Variants in CEP164 observed in about 807,000 individuals in gnomAD.
The protein encoded by CEP164 is centrosomal protein 164.
A neutral mutation model predicts 182.7 loss-of-function variants in CEP164; 162 were observed. The observed-to-expected ratio is 0.89, with a 90% CI of 0.78 to 1.01. The LOEUF (loss-of-function observed/expected upper bound fraction) is 1.01. Ranked by LOEUF, CEP164 falls within the 50% of genes least tolerant of loss-of-function variation. CEP164 has a pLI of 0.00. For missense variants in CEP164, 1,735 were observed against 1,790.4 expected (o/e 0.97, Z 0.56); for synonymous variants, 661 against 690.0 (o/e 0.96, Z 0.66).
intron 1 of CEP164, among the ~76,000 whole-genome samples, chr11:117,330,384 G>T (rs2134659332): frequency 6.6e-6 from 1 of 152,180 alleles, no homozygotes; most frequent in East Asian, 1.9e-4. Context: ...TTGGCGCGGT[G>T]ACTCACGCCT....
intron 13 of CEP164, 110 bp from the exon 14 acceptor site, chr11:117,382,686 G>A: frequency 7.7e-7 from 1 of 1,300,218 alleles, no homozygotes; most frequent in Non-Finnish European, 1.1e-6. Flanking sequence ...GGAAATTGTT[G>A]GGCTGTCTCT....
intron 5 of CEP164, among the ~76,000 whole-genome samples, chr11:117,358,723 G>T (rs943566419): frequency 2.0e-5 from 3 of 151,942 alleles, no homozygotes; most frequent in Non-Finnish European, 2.9e-5. Context: ...TTGTAGACAT[G>T]GGGTCTTACT....
In CEP164 at chr11:117,409,167, A is replaced by C; in HGVS notation, c.3748+139A>C. On this transcript the variant is annotated intron_variant, in intron 29 of 32. Transcript: ENST00000278935. The surrounding 1 kb of genome is among the most constrained non-coding windows in gnomAD (Gnocchi z 4.4). ...CGGTGTCTGGACTAGGTGCTCGGTC[A>C]GTGCTGGGAAGGAATCACACCATCT... is the stretch of plus-strand genomic sequence containing the variant. 11 of 1,138,800 alleles carry C rather than the reference A, an allele frequency of 9.7e-6. No homozygotes were observed. Among genetic ancestry groups the C allele is most frequent in the Non-Finnish European group, 1.4e-5 (11 of 810,588 alleles). The allele number at this position is 1,138,800 out of a possible 1,614,324, so 70.5% of individuals were successfully genotyped here.
At chr11:117,380,823 A>T in intron 12 of CEP164, 118 bp downstream of exon 12, 1 of 875,384 alleles carries the variant, frequency 1.1e-6, no homozygotes, top group Non-Finnish European at 1.8e-6. Context: ...GCAGCAGGTG[A>T]TGAACTGGCT....
chr11:117,409,893 C>T lies in CEP164; in HGVS notation c.4024C>T (p.Pro1342Ser), dbSNP rs769315243. The stretch of plus-strand genomic sequence containing the variant: ...ATGGGCCTGGGATTCAGGGCAGGGG[C>T]CCAGGCTCCCCTCCTCTGTGGCTCA... Reference protein sequence around the residue: ...TQWAWDSGQGPRLPSSVAQTV... With the variant: ...TQWAWDSGQGSRLPSSVAQTV... Residue 1342 changes from proline (P) to serine (S), a missense_variant, in exon 30 of 33, where the codon CCC becomes TCC. Pro to Ser is a moderately conservative substitution (Grantham distance 74). Coordinates refer to ENST00000278935, the MANE Select transcript of CEP164 (RefSeq NM_014956.5). This position sits in a 1 kb window ranked among gnomAD's most constrained non-coding sequence, Gnocchi z 4.4. The T allele has an allele frequency of 1.2e-6, 2 of 1,608,888 alleles. No individual in the cohort carries two copies. The highest frequency in any genetic ancestry group is 1.7e-5 in the Admixed American group (1 of 58,568).
intron 4 of CEP164, among the ~76,000 whole-genome samples, chr11:117,348,813 C>T (rs1224613300): frequency 6.6e-5 from 10 of 152,160 alleles, no homozygotes; most frequent in Non-Finnish European, 1.5e-4. Flanking sequence ...TCTCCTTAAT[C>T]TCTGGCAGTC....
Position 117,344,254 on chromosome 11 carries a change from A to T in CEP164, c.171A>T (p.Pro57=). The change falls in exon 4 of 33, where the codon CCA becomes CCT. Residue 57 remains proline (P), a synonymous_variant. Coordinates refer to ENST00000278935, the MANE Select transcript of CEP164 (RefSeq NM_014956.5). The stretch of plus-strand genomic sequence containing the variant: ...TGGCGCGAGAGGGCATCGTGGCCCC[A>T]CTGCCTGGAGAGTGGAAACCATGGT... ...MWLAREGIVA[P]LPGEWKPCQD... is the part of the protein sequence containing the mutation. 1 of 1,613,006 alleles carries T rather than the reference A, an allele frequency of 6.2e-7. No individual in the cohort carries two copies. The highest frequency in any genetic ancestry group is 8.5e-7 in the Non-Finnish European group (1 of 1,179,542).
chr11:117,338,207 G>T (rs2037515573), intron 2 of CEP164, among the ~76,000 whole-genome samples: 1 of 152,152 alleles, frequency 6.6e-6, no homozygotes, highest in Non-Finnish European at 1.5e-5. Flanking sequence ...GTGTATGGGG[G>T]TCTGTGCTGC....
intron 14 of CEP164, chr11:117,386,064 A>G (rs547744287): frequency 6.6e-6 from 1 of 152,316 alleles, no homozygotes; most frequent in East Asian, 1.9e-4. Context: ...AGGGAGGACC[A>G]GCTCCCCTGT....
At position 117,380,632 on chromosome 11, in the gene CEP164, A is replaced by G. The variant is rs1213789533; in HGVS notation, c.1336A>G (p.Ile446Val). The G allele has an allele frequency of 6.2e-6, 10 of 1,604,726 alleles. No homozygotes were observed. The African/African-American group carries it at 1.2e-4, about 19-fold the overall frequency. ...CCTACAGGCCCAGCAACCACTGGGA[A>G]TAGAAGACAAGGATGACAGCCAGTC... ...ACRQAQQPLG[I>V]EDKDDSQSSQ... The change falls in exon 12 of 33, where the codon ATA (isoleucine) becomes GTA (valine). Residue 446 changes from isoleucine (I) to valine (V), a missense_variant. By Grantham distance (29) the Ile-to-Val change is conservative. Transcript: ENST00000278935.
chr11:117,398,795 G>C (rs1348096772), intron 27 of CEP164, among the ~76,000 whole-genome samples: 1 of 152,156 alleles, frequency 6.6e-6, no homozygotes, highest in Non-Finnish European at 1.5e-5. Context: ...GGGACCCTGG[G>C]CCTGGCCCAC....
chr11:117,401,764 A>T (rs2046166481), intron 27 of CEP164, among the ~76,000 whole-genome samples: 1 of 152,180 alleles, frequency 6.6e-6, no homozygotes, highest in African/African-American at 2.4e-5. Flanking sequence ...TTATTTGCAT[A>T]CAAGTGTGTA....
intron 5 of CEP164, chr11:117,355,087 G>A (rs551360005): frequency 7.8e-7 from 1 of 1,289,706 alleles, no homozygotes; most frequent in Non-Finnish European, 1.0e-6. Context: ...CAGGCATGCT[G>A]GGTGACACTC....
At chr11:117,343,051 T>C (rs1361844507) in intron 3 of CEP164, among the ~76,000 whole-genome samples, 1 of 152,128 alleles carries the variant, frequency 6.6e-6, no homozygotes, top group Non-Finnish European at 1.5e-5. Context: ...TCATATTTTT[T>C]GTAGAGATGG....
intron 5 of CEP164, among the ~76,000 whole-genome samples, chr11:117,360,483 T>C (rs2040808487): frequency 6.6e-6 from 1 of 152,126 alleles, no homozygotes; most frequent in Non-Finnish European, 1.5e-5. Context: ...CAGTCCATCC[T>C]CCTCAGCCTC....
chr11:117,394,545 G>A lies in CEP164; in HGVS notation c.2760+52G>A. 2 of 1,599,684 alleles carry A rather than the reference G, an allele frequency of 1.3e-6. No individual in the cohort carries two copies. The highest frequency in any genetic ancestry group is 1.7e-6 in the Non-Finnish European group (2 of 1,172,914). Reference sequence around the variant, plus strand: ...CACTGTGACCCCTCCATGCACAGTAGGAAGGTGCTGGGAGCAGACGCATGG... The same window carrying A: ...CACTGTGACCCCTCCATGCACAGTAAGAAGGTGCTGGGAGCAGACGCATGG... On this transcript the variant is annotated intron_variant, in intron 21 of 32. Transcript: ENST00000278935. The surrounding 1 kb of genome is among the most constrained non-coding windows in gnomAD (Gnocchi z 4.0).
rs142184414 is a variant in CEP164, at chr11:117,390,863, G to A, written c.2021G>A (p.Arg674Gln). The A allele has an allele frequency of 1.5e-4, 243 of 1,613,654 alleles. 1 individual carries two copies. The African/African-American group carries it at 2.2e-3, about 14-fold the overall frequency. ...EEESQRLSWL[R>Q]AQVQSSTQAD... ...GAAAGCCAGAGGCTATCCTGGCTCCGAGCTCAGGTCCAGTCCAGCACACAA... is the reference window on the plus strand; with the variant it reads ...GAAAGCCAGAGGCTATCCTGGCTCCAAGCTCAGGTCCAGTCCAGCACACAA... The change falls in exon 16 of 33, where the codon CGA (arginine) becomes CAA (glutamine). Residue 674 changes from arginine (R) to glutamine (Q), a missense_variant. Physicochemically the swap from Arg to Gln is conservative, Grantham distance 43 (BLOSUM62 1). Transcript: ENST00000278935.
intron 11 of CEP164, among the ~76,000 whole-genome samples, chr11:117,378,487 T>C (rs747981016): frequency 6.6e-6 from 1 of 152,342 alleles, no homozygotes; most frequent in South Asian, 2.1e-4. Flanking sequence ...ATTCTTTTTG[T>C]TGGCTGCACA....
intron 2 of CEP164, among the ~76,000 whole-genome samples, chr11:117,336,810 C>T (rs921124784): frequency 2.6e-5 from 4 of 151,968 alleles, no homozygotes; most frequent in Non-Finnish European, 5.9e-5. Context: ...GGACTTGTGG[C>T]TCCAGACTCC....
Sources: allele counts gnomAD v4.1 joint callset (sites outside exome capture counted in the v4.1 genomes callset), GRCh38; gene constraint gnomAD v4.1.1; non-coding constraint Gnocchi (gnomAD v3.1); transcripts MANE v1.5; gene names NCBI Gene and HGNC (gene_info 2026-07-23, HGNC 2026-07-21).